Variants in NEMP2 observed in about 807,000 individuals in gnomAD.
The protein encoded by NEMP2 is UPF0571 transmembrane protein.
Under a neutral mutation model 54.2 loss-of-function variants are expected in NEMP2, and 53 were observed. The ratio of observed to expected loss-of-function variants is 0.98; its 90% CI spans 0.78 to 1.23. The LOEUF (loss-of-function observed/expected upper bound fraction) is 1.23. Among genes scored for constraint, NEMP2 ranks in the 50% most tolerant of loss-of-function variants. NEMP2 has a pLI of 0.00. For synonymous variants in NEMP2, 197 were observed against 190.3 expected, an observed-to-expected ratio of 1.04 and a Z score of -0.29; for missense variants, 455 against 511.3, an observed-to-expected ratio of 0.89 and a Z score of 1.06.
At chr2:190,582,698 G>T in the NEMP2 span, among the ~76,000 whole-genome samples, 1 of 152,204 alleles carries the variant, frequency 6.6e-6, no homozygotes, top group Non-Finnish European at 1.5e-5. This position sits in a 1 kb window ranked among gnomAD's most constrained non-coding sequence, Gnocchi z 4.6. Context: ...CTCTGTACGA[G>T]CAAGAGCAGG....
chr2:190,488,469 C>T, the NEMP2 span, among the ~76,000 whole-genome samples: 2 of 152,282 alleles, frequency 1.3e-5, no homozygotes. The surrounding 1 kb of genome is among the most constrained non-coding windows in gnomAD (Gnocchi z 6.4). Flanking sequence ...GACAGCTGCA[C>T]AACACTGTGA....
At chr2:190,621,622 C>G in the NEMP2 span, among the ~76,000 whole-genome samples, 1 of 151,526 alleles carries the variant, frequency 6.6e-6, no homozygotes, top group Non-Finnish European at 1.5e-5. Flanking sequence ...GTAATTGGCT[C>G]ATATGTCCCT....
the NEMP2 span, among the ~76,000 whole-genome samples, chr2:190,471,938 C>T: frequency 1.3e-5 from 2 of 152,204 alleles, no homozygotes; most frequent in African/African-American, 2.4e-5. The surrounding 1 kb of genome is among the most constrained non-coding windows in gnomAD (Gnocchi z 4.7). Flanking sequence ...TCACCAATAT[C>T]CGCTGTTCTG....
the NEMP2 span, among the ~76,000 whole-genome samples, chr2:190,623,039 G>A: frequency 8.3e-4 from 127 of 152,164 alleles, no homozygotes; most frequent in African/African-American, 2.9e-3. Context: ...TATGCCAACA[G>A]TGAACAGTCT....
At chr2:190,556,761 C>T in the NEMP2 span, among the ~76,000 whole-genome samples, 2 of 152,164 alleles carry the variant, frequency 1.3e-5, no homozygotes, top group Admixed American at 6.5e-5. Flanking sequence ...AGGAATACAA[C>T]TTACAAGGGA....
At chr2:190,612,259 G>T in the NEMP2 span, among the ~76,000 whole-genome samples, 6 of 149,312 alleles carry the variant, frequency 4.0e-5, no homozygotes, top group African/African-American at 1.5e-4. Context: ...AGGTTCAAGC[G>T]ATTCTTCTGC....
intron 3 of NEMP2, 36 bp from the exon 4 acceptor site, chr2:190,518,844 A>AT (rs1311438460): frequency 1.5e-5 from 23 of 1,524,822 alleles, no homozygotes; most frequent in Admixed American, 4.5e-5. Flanking sequence ...CATAACAAAG[A>AT]TTTTTTATCA....
At chr2:190,479,629 C>CA in the NEMP2 span, among the ~76,000 whole-genome samples, 1 of 152,144 alleles carries the variant, frequency 6.6e-6, no homozygotes. Context: ...TTGCAAAACT[C>CA]AGAGATGAGT....
the NEMP2 span, among the ~76,000 whole-genome samples, chr2:190,496,188 A>G: frequency 3.7e-3 from 559 of 152,224 alleles, 5 homozygotes; most frequent in Middle Eastern, 6.8e-3. This position sits in a 1 kb window ranked among gnomAD's most constrained non-coding sequence, Gnocchi z 4.7. Context: ...TGCATAAACA[A>G]TTCTCAAGCA....
At chr2:190,581,801 G>A in the NEMP2 span, among the ~76,000 whole-genome samples, 708 of 152,170 alleles carry the variant, frequency 4.7e-3, 2 homozygotes, top group Non-Finnish European at 4.9e-3. Flanking sequence ...GTCTAGTGCC[G>A]TGCTGGAGCC....
the NEMP2 span, among the ~76,000 whole-genome samples, chr2:190,440,714 C>T: frequency 1.3e-5 from 2 of 152,146 alleles, no homozygotes; most frequent in Admixed American, 6.5e-5. Context: ...TGACTTTGCC[C>T]TGAAATTCTT....
At chr2:190,475,104 TATC>T in the NEMP2 span, among the ~76,000 whole-genome samples, 1 of 152,074 alleles carries the variant, frequency 6.6e-6, no homozygotes, top group Non-Finnish European at 1.5e-5. Context: ...CCACAGCCAA[TATC>T]ATACTGAATG....
At chr2:190,535,965 T>C (rs191162592), upstream of NEMP2, 104 of 152,332 alleles carry the variant, frequency 6.8e-4, no homozygotes, top group African/African-American at 2.3e-3. Context: ...GATGGCACTA[T>C]GGAAAGTAGC....
rs757253994 is a variant in NEMP2 at position 190,514,364 on chromosome 2, G to A, written c.953+89C>T. The A allele has an allele frequency of 2.5e-6, 3 of 1,198,152 alleles. No homozygotes were observed. Among genetic ancestry groups the A allele is most frequent in the Non-Finnish European group, 3.6e-6 (3 of 834,692 alleles). 74.2% of individuals were successfully genotyped at this position (1,198,152 alleles called of 1,614,324 possible). ...ATCTCCAGATCAAATGTAATTATGA[G>A]ATTAACATGATGTGTGCAAACACTC... On this transcript the variant is annotated intron_variant, in intron 7 of 8. Coordinates refer to ENST00000409150, the MANE Select transcript of NEMP2 (RefSeq NM_001142645.2). The surrounding 1 kb of genome is among the most constrained non-coding windows in gnomAD (Gnocchi z 5.7).
At chr2:190,641,911 T>C in the NEMP2 span, among the ~76,000 whole-genome samples, 1 of 152,226 alleles carries the variant, frequency 6.6e-6, no homozygotes, top group African/African-American at 2.4e-5. Flanking sequence ...TTCCCGAAAT[T>C]CTCTTAAGAA....
At chr2:190,621,115 A>G in the NEMP2 span, among the ~76,000 whole-genome samples, 1 of 152,372 alleles carries the variant, frequency 6.6e-6, no homozygotes, top group African/African-American at 2.4e-5. Flanking sequence ...GAAGATCTAC[A>G]TATAGTCATA....
chr2:190,452,959 T>C, the NEMP2 span, among the ~76,000 whole-genome samples: 1 of 152,352 alleles, frequency 6.6e-6, no homozygotes, highest in East Asian at 1.9e-4. Context: ...GCTCATTCAA[T>C]ATTTCTTTAA....
At chr2:190,476,130 A>C in the NEMP2 span, among the ~76,000 whole-genome samples, 1 of 152,148 alleles carries the variant, frequency 6.6e-6, no homozygotes, top group Non-Finnish European at 1.5e-5. Context: ...CCTAGGCAAT[A>C]CCATTCAGGA....
rs979643254 is a variant in NEMP2, at chr2:190,527,764, C to T, written c.98-2386G>A. 2.0e-5 allele frequency among the ~76,000 whole-genome samples: 3 copies of T among 152,140 alleles called. No individual in the cohort carries two copies. The highest frequency in any genetic ancestry group is 2.0e-4 in the Admixed American group (3 of 15,274). ...ATCATTACCACCTGAGCTCCACCTC[C>T]TGTCAGATCAGCAGTGGCATTAGAT... On this transcript the variant is annotated intron_variant, in intron 1 of 8. Coordinates refer to ENST00000409150, the MANE Select transcript of NEMP2 (RefSeq NM_001142645.2). The surrounding 1 kb of genome is among the most constrained non-coding windows in gnomAD (Gnocchi z 4.0).
Sources: gnomAD v4.1 joint callset for allele counts (sites outside exome capture counted in the v4.1 genomes callset) on GRCh38, gnomAD v4.1.1 for gene constraint, Gnocchi (gnomAD v3.1) non-coding constraint, MANE v1.5 for transcripts, NCBI Gene and HGNC (gene_info 2026-07-23, HGNC 2026-07-21) for gene names.